ADAMTS2: variants seen among roughly 807,000 people sequenced by gnomAD.
The protein encoded by ADAMTS2 is A disintegrin and metalloproteinase with thrombospondin motifs 2.
ADAMTS2 carries 50 observed loss-of-function variants against 123.0 expected under a neutral mutation model. The ratio of observed to expected loss-of-function variants is 0.41; its 90% CI spans 0.32 to 0.51. The LOEUF (loss-of-function observed/expected upper bound fraction) is 0.51, where lower values mean the gene tolerates loss of function less well. Ranked by LOEUF, ADAMTS2 falls within the 20% of genes least tolerant of loss-of-function variation. The pLI is 0.35. For missense variants in ADAMTS2, 1,494 were observed against 1,705.2 expected, an observed-to-expected ratio of 0.88 and a Z score of 2.18; for synonymous variants, 678 against 695.4, an observed-to-expected ratio of 0.98 and a Z score of 0.39.
intron 3 of ADAMTS2, among the ~76,000 whole-genome samples, chr5:179,218,193 G>A (rs1032288465): frequency 1.3e-5 from 2 of 152,186 alleles, no homozygotes; most frequent in Admixed American, 6.5e-5. Context: ...GCCTGCAGGG[G>A]CCACCACCAG....
At chr5:179,305,427 A>C (rs1325504134) in intron 2 of ADAMTS2, among the ~76,000 whole-genome samples, 1 of 150,458 alleles carries the variant, frequency 6.6e-6, no homozygotes, top group Non-Finnish European at 1.5e-5. Flanking sequence ...GCAGGGTCTC[A>C]ACATTCAACT....
Position 179,307,440 on chromosome 5 carries a change from C to A in ADAMTS2, c.535-34376G>T, listed in dbSNP as rs1581262068. On this transcript the variant is annotated intron_variant, in intron 2 of 21. Coordinates refer to ENST00000251582, the MANE Select transcript of ADAMTS2 (RefSeq NM_014244.5). This position sits in a 1 kb window ranked among gnomAD's most constrained non-coding sequence, Gnocchi z 5.6. ...AACAGCCCGGTCCGGGGGGCACCACCACGCAGGGGCTTCCCGGGTCATGCT... is the reference window on the plus strand; with the variant it reads ...AACAGCCCGGTCCGGGGGGCACCACAACGCAGGGGCTTCCCGGGTCATGCT... Among the ~76,000 whole-genome samples, 2 of 152,178 alleles carry A rather than the reference C, an allele frequency of 1.3e-5. No homozygotes were observed. The highest frequency in any genetic ancestry group is 4.1e-4 in the South Asian group (2 of 4,828).
intron 2 of ADAMTS2, among the ~76,000 whole-genome samples, chr5:179,329,137 C>A (rs184628906): frequency 6.6e-6 from 1 of 151,926 alleles, no homozygotes; most frequent in Non-Finnish European, 1.5e-5. Context: ...ACCATCCTGG[C>A]TAACACGGTG....
At position 179,118,235 on chromosome 5, in the gene ADAMTS2, A is replaced by G. The variant is rs1450785355; in HGVS notation, c.3178+3426T>C. 6.6e-6 allele frequency among the ~76,000 whole-genome samples: 1 copy of G among 152,262 alleles called. No homozygotes were observed. Among genetic ancestry groups the G allele is most frequent in the Non-Finnish European group, 1.5e-5 (1 of 68,046 alleles). The stretch of plus-strand genomic sequence containing the variant: ...CTAGGAAAATTTCAAAATAGCCTAG[A>G]AAAATTTCAAAGTCATCATGACCAA... On this transcript the variant is annotated intron_variant, in intron 21 of 21. Transcript: ENST00000251582. This position sits in a 1 kb window ranked among gnomAD's most constrained non-coding sequence, Gnocchi z 4.5.
In ADAMTS2 at chr5:179,125,198, G is replaced by A; in HGVS notation, c.2751-18C>T. The A allele has an allele frequency of 6.2e-7, 1 of 1,609,890 alleles. No homozygotes were observed. Among genetic ancestry groups the A allele is most frequent in the Non-Finnish European group, 8.5e-7 (1 of 1,178,760 alleles). On this transcript the variant is annotated intron_variant, in intron 18 of 21. Transcript: ENST00000251582. ...TGACCCACCTGCCAGGGCAGAGCGG[G>A]GCACAGTCAGGCTTCCGCAGCACCT... is the stretch of plus-strand genomic sequence containing the variant.
intron 4 of ADAMTS2, among the ~76,000 whole-genome samples, chr5:179,192,101 G>T (rs928444140): frequency 1.3e-5 from 2 of 152,202 alleles, no homozygotes; most frequent in African/African-American, 4.8e-5. Context: ...AGGCATCCAT[G>T]CATGATGAGG....
In ADAMTS2 at chr5:179,281,428, C is replaced by T. The variant is rs28783755; in HGVS notation, c.535-8364G>A. ...TGGCCTATTCTGGACATTTCATATA[C>T]GTGGAATCACATGCTATGTGGCCTT... On this transcript the variant is annotated intron_variant, in intron 2 of 21. Coordinates refer to ENST00000251582, the MANE Select transcript of ADAMTS2 (RefSeq NM_014244.5). Among the ~76,000 whole-genome samples, 787 of 152,326 alleles carry T rather than the reference C, an allele frequency of 5.2e-3. 3 individuals carry two copies. The highest frequency in any genetic ancestry group is 0.018 in the African/African-American group (733 of 41,582).
chr5:179,217,798 G>A (rs925428469), intron 3 of ADAMTS2, among the ~76,000 whole-genome samples: 2 of 107,342 alleles, frequency 1.9e-5, no homozygotes, highest in African/African-American at 4.0e-5. Flanking sequence ...TGGCGCAAGG[G>A]GGGGATGGGC....
intron 12 of ADAMTS2, among the ~76,000 whole-genome samples, chr5:179,136,895 G>A (rs1441397965): frequency 2.0e-5 from 3 of 151,906 alleles, no homozygotes; most frequent in East Asian, 3.9e-4. Flanking sequence ...GCTTGAACCT[G>A]GGAGGCAGAG....
chr5:179,306,145 C>A (rs1280127761), intron 2 of ADAMTS2, among the ~76,000 whole-genome samples: 4 of 151,428 alleles, frequency 2.6e-5, no homozygotes, highest in South Asian at 4.2e-4. Flanking sequence ...AAAAAAAAAA[C>A]CCTACAAACC....
chr5:179,229,734 C>T (rs933521873), intron 3 of ADAMTS2, among the ~76,000 whole-genome samples: 2 of 152,196 alleles, frequency 1.3e-5, no homozygotes, highest in African/African-American at 2.4e-5. Context: ...GGAAATGGGC[C>T]GCAGGCAGCA....
At chr5:179,321,066 A>G (rs932605892) in intron 2 of ADAMTS2, among the ~76,000 whole-genome samples, 3 of 152,168 alleles carry the variant, frequency 2.0e-5, no homozygotes, top group African/African-American at 7.2e-5. Flanking sequence ...AGATTAACCA[A>G]TAAGTTTTTT....
At chr5:179,333,452 A>G (rs1757530337) in intron 2 of ADAMTS2, among the ~76,000 whole-genome samples, 1 of 152,218 alleles carries the variant, frequency 6.6e-6, no homozygotes, top group Non-Finnish European at 1.5e-5. Flanking sequence ...CGCAGGTCTG[A>G]TAAAGCAGAA....
chr5:179,163,805 C>A (rs1763644676), intron 5 of ADAMTS2, among the ~76,000 whole-genome samples: 1 of 152,228 alleles, frequency 6.6e-6, no homozygotes, highest in South Asian at 2.1e-4. Context: ...AGGCAGCCTG[C>A]CACTTTCGTT....
intron 3 of ADAMTS2, among the ~76,000 whole-genome samples, chr5:179,210,949 G>T (rs937181356): frequency 6.6e-6 from 1 of 152,246 alleles, no homozygotes; most frequent in African/African-American, 2.4e-5. Flanking sequence ...CCACATGCTG[G>T]CCCTTGCAGA....
chr5:179,299,170 G>GT (rs1756427744), intron 2 of ADAMTS2, among the ~76,000 whole-genome samples: 1 of 151,788 alleles, frequency 6.6e-6, no homozygotes, highest in Non-Finnish European at 1.5e-5. Context: ...TGACATATAT[G>GT]TAACAAGATG....
rs369398741 is a variant in ADAMTS2, at chr5:179,188,005, G to A, written c.892-6850C>T. Among the ~76,000 whole-genome samples the A allele has an allele frequency of 1.8e-4, 27 of 152,206 alleles. 1 individual carries two copies. The East Asian group carries it at 5.0e-3, about 28-fold the overall frequency. ...AGGTGGCCTGCGGCTGCTGGGCAGA[G>A]GTGACTTTGTCCTCTGCCAAGGTGG... On this transcript the variant is annotated intron_variant, in intron 4 of 21. Transcript: ENST00000251582. The surrounding 1 kb of genome is among the most constrained non-coding windows in gnomAD (Gnocchi z 5.1).
Position 179,308,476 on chromosome 5 carries a change from G to T in ADAMTS2, c.534+35291C>A, listed in dbSNP as rs569466421. Among the ~76,000 whole-genome samples the T allele has an allele frequency of 2.0e-5, 3 of 152,344 alleles. No homozygotes were observed. In the South Asian group the frequency reaches 6.2e-4, roughly 32 times the overall value. On this transcript the variant is annotated intron_variant, in intron 2 of 21. Coordinates refer to ENST00000251582, the MANE Select transcript of ADAMTS2 (RefSeq NM_014244.5). This position sits in a 1 kb window ranked among gnomAD's most constrained non-coding sequence, Gnocchi z 6.6. ...GGCAGCCGCCACTGTTCACGAGCAA[G>T]GGTGCAGGGGCACCAGAGCCCACAG...
rs184382576 is a variant in ADAMTS2, at chr5:179,151,054, G to A, written c.1629+1088C>T. 19 of 285,232 alleles carry A rather than the reference G, an allele frequency of 6.7e-5. No homozygotes were observed. In the East Asian group the frequency reaches 1.7e-3, roughly 25 times the overall value. The allele number at this position is 285,232 out of a possible 1,614,324, so 17.7% of individuals were successfully genotyped here. A position where few individuals can be genotyped will look rare whatever the true frequency, so the allele number is the denominator to read the frequency against. ...TGGGATTACAGGCACCCACCACCGC[G>A]CCCAGCTAATTTTTGTATTTTTAGT... On this transcript the variant is annotated intron_variant, in intron 10 of 21. Coordinates refer to ENST00000251582, the MANE Select transcript of ADAMTS2 (RefSeq NM_014244.5).
Sources: allele counts gnomAD v4.1 joint callset (sites outside exome capture counted in the v4.1 genomes callset), GRCh38; gene constraint gnomAD v4.1.1; non-coding constraint Gnocchi (gnomAD v3.1); transcripts MANE v1.5; gene names NCBI Gene and HGNC (gene_info 2026-07-23, HGNC 2026-07-21).